The following OTOP1 variants were observed in gnomAD, a reference collection of about 807,000 sequenced individuals.
OTOP1 encodes the protein proton channel OTOP1.
Under a neutral mutation model 52.9 loss-of-function variants are expected in OTOP1, and 59 were observed. That is an observed-to-expected ratio of 1.12 (90% CI 0.91 to 1.39). OTOP1 has a LOEUF of 1.39. Ranked by LOEUF, OTOP1 falls within the 40% of genes most tolerant of loss-of-function variation. The pLI is 0.00. For missense variants in OTOP1, 761 were observed against 800.9 expected (o/e 0.95, Z 0.60); for synonymous variants, 317 against 337.7 (o/e 0.94, Z 0.67).
chr4:4,201,409 AGAGT>A (rs1449159253), intron 4 of OTOP1, among the ~76,000 whole-genome samples: 1 of 152,008 alleles, frequency 6.6e-6, no homozygotes, highest in Non-Finnish European at 1.5e-5. Context: ...CTTAGGCAAC[AGAGT>A]GAGACTCTGT....
At chr4:4,197,088 C>G (rs73209135) in intron 5 of OTOP1, 78 bp downstream of exon 5, 141,671 of 1,399,114 alleles carry the variant, frequency 0.1, 7,813 homozygotes, top group South Asian at 0.14. Flanking sequence ...TTTAACAAAT[C>G]TGCATGTGTA....
chr4:4,207,115 C>T (rs865973192), intron 2 of OTOP1, among the ~76,000 whole-genome samples: 1 of 152,198 alleles, frequency 6.6e-6, no homozygotes, highest in South Asian at 2.1e-4. Flanking sequence ...ACCTCTTTCA[C>T]ATTCTTTTAC....
At chr4:4,216,443 C>T (rs16835367) in intron 1 of OTOP1, among the ~76,000 whole-genome samples, 280 of 152,178 alleles carry the variant, frequency 1.8e-3, no homozygotes, top group African/African-American at 6.3e-3. Context: ...GAAACTGGAT[C>T]GTGTATGACG....
chr4:4,198,788 G>T (rs1215353912), intron 4 of OTOP1, among the ~76,000 whole-genome samples: 1 of 152,156 alleles, frequency 6.6e-6, no homozygotes, highest in East Asian at 1.9e-4. Flanking sequence ...GTAAGTAAAT[G>T]ATGAAACAGG....
chr4:4,215,516 G>A (rs997375507), intron 1 of OTOP1, among the ~76,000 whole-genome samples: 1 of 151,992 alleles, frequency 6.6e-6, no homozygotes, highest in African/African-American at 2.4e-5. Flanking sequence ...TACAAAATTA[G>A]CGGGTGTGGT....
rs1222818656 is a variant in OTOP1, at chr4:4,220,097, A to T, written c.403+6365T>A. The stretch of plus-strand genomic sequence containing the variant: ...TATGTATACATATATATATATATAT[A>T]TATATATATTTTTTTTTTTTTTGAG... On this transcript the variant is annotated intron_variant, in intron 1 of 5. Coordinates refer to ENST00000296358, the MANE Select transcript of OTOP1 (RefSeq NM_177998.3). 1.3e-3 allele frequency among the ~76,000 whole-genome samples: 129 copies of T among 98,170 alleles called. 2 individuals carry two copies. The highest frequency in any genetic ancestry group is 5.1e-3 in the African/African-American group (90 of 17,776). The allele number at this position is 98,170 out of a possible 152,430, so 64.4% of individuals were successfully genotyped here.
chr4:4,219,824 CATAT>C (rs1717238838), intron 1 of OTOP1, among the ~76,000 whole-genome samples: 1 of 123,530 alleles, frequency 8.1e-6, no homozygotes, highest in African/African-American at 2.6e-5. Flanking sequence ...TATATGTATA[CATAT>C]GTGTATACAT....
chr4:4,210,191 T>A (rs1716993881), intron 2 of OTOP1, among the ~76,000 whole-genome samples: 2 of 151,970 alleles, frequency 1.3e-5, no homozygotes, highest in Admixed American at 1.3e-4. Flanking sequence ...AAAGATGAAC[T>A]GCAAGAAAAA....
chr4:4,219,875 ATG>A, intron 1 of OTOP1, among the ~76,000 whole-genome samples: 1 of 146,704 alleles, frequency 6.8e-6, no homozygotes, highest in South Asian at 2.1e-4. Flanking sequence ...GTATACATAT[ATG>A]TATATATACA....
At chr4:4,204,782 T>A (rs1217719984) in intron 3 of OTOP1, among the ~76,000 whole-genome samples, 2 of 151,972 alleles carry the variant, frequency 1.3e-5, no homozygotes, top group Non-Finnish European at 2.9e-5. Context: ...CTTCTTTTTT[T>A]TCTTTTTGAG....
chr4:4,226,400 G>C lies in OTOP1; in HGVS notation c.403+62C>G. 4 of 1,360,898 alleles carry C rather than the reference G, an allele frequency of 2.9e-6. No homozygotes were observed. The South Asian group carries it at 6.5e-5, about 22-fold the overall frequency. The allele number at this position is 1,360,898 out of a possible 1,614,324, so 84.3% of individuals were successfully genotyped here. A position where few individuals can be genotyped will look rare whatever the true frequency, so the allele number is the denominator to read the frequency against. ...GCAGCGGTAGGAAGGGCGCAGAGCAGCCTCAGGATGCAGCCAGCGGGCGAG... is the reference window on the plus strand; with the variant it reads ...GCAGCGGTAGGAAGGGCGCAGAGCACCCTCAGGATGCAGCCAGCGGGCGAG... On this transcript the variant is annotated intron_variant, in intron 1 of 5. Transcript: ENST00000296358.
chr4:4,204,105 C>A (rs1716847059), intron 3 of OTOP1, among the ~76,000 whole-genome samples: 1 of 152,182 alleles, frequency 6.6e-6, no homozygotes, highest in Admixed American at 6.5e-5. Context: ...CCCTGCCTCT[C>A]CTCTCGGTTT....
chr4:4,209,674 A>G (rs1308489528), intron 2 of OTOP1, among the ~76,000 whole-genome samples: 3 of 152,118 alleles, frequency 2.0e-5, no homozygotes, highest in Admixed American at 2.0e-4. Context: ...CAATGAGCCT[A>G]TGAAATAGGT....
At position 4,197,362 on chromosome 4, in the gene OTOP1, TG is replaced by T. The variant is rs946866341; in HGVS notation, c.1471del (p.Gln491ArgfsTer15). ...GGCTGCTGGTGGCATGTCCTTGCCCTGGGGAGCCACATCTCTGGCCACACCT... is the reference window on the plus strand; with the variant it reads ...GGCTGCTGGTGGCATGTCCTTGCCCTGGGAGCCACATCTCTGGCCACACCT... ...SGGVARDVAPQGKDMPPAANG... is the reference protein window; with the variant it reads ...SGGVARDVAPXGKDMPPAANG... On this transcript the variant is annotated frameshift_variant, in exon 5 of 6. Transcript: ENST00000296358. LOFTEE classifies it high-confidence loss of function. 5.0e-6 allele frequency: 8 copies of T among 1,613,864 alleles called. No individual in the cohort carries two copies. Among genetic ancestry groups the T allele is most frequent in the Non-Finnish European group, 6.8e-6 (8 of 1,180,026 alleles).
intron 3 of OTOP1, among the ~76,000 whole-genome samples, chr4:4,203,377 G>A (rs960922064): frequency 5.3e-5 from 8 of 152,142 alleles, no homozygotes; most frequent in African/African-American, 1.2e-4. Flanking sequence ...GTTGAGCTGC[G>A]GGAGATCCAG....
At chr4:4,210,812 C>A (rs1420997918) in intron 2 of OTOP1, among the ~76,000 whole-genome samples, 9 of 152,062 alleles carry the variant, frequency 5.9e-5, no homozygotes, top group Admixed American at 3.3e-4. Context: ...GCCTGGGCGA[C>A]AAGCAAAATT....
rs1716811607 is a variant in OTOP1 at position 4,202,522 on chromosome 4, A to G, written c.656T>C (p.Leu219Pro). The G allele has an allele frequency of 6.2e-7, 1 of 1,614,112 alleles. No individual in the cohort carries two copies. The highest frequency in any genetic ancestry group is 8.5e-7 in the Non-Finnish European group (1 of 1,179,970). ...ATTGAGTTGGTGCTTTGACTCATTG[A>G]GGACGCCATTGGCCCACAGAAGCAG... ...TNLLLWANGV[L>P]NESKHQLNEH... The change falls in exon 4 of 6, where the codon CTC (leucine) becomes CCC (proline). Residue 219 changes from leucine (L) to proline (P), a missense_variant. Leu to Pro is a moderately conservative substitution (Grantham distance 98). Around this residue, in one of 3 missense-constraint regions of OTOP1, gnomAD observed 632 missense variants for 619.5 expected, o/e 1.02. Transcript: ENST00000296358.
chr4:4,209,731 A>G (rs1231230830), intron 2 of OTOP1, among the ~76,000 whole-genome samples: 1 of 152,104 alleles, frequency 6.6e-6, no homozygotes, highest in African/African-American at 2.4e-5. Context: ...CGGCCCAGAG[A>G]AGTTAAGTAA....
intron 1 of OTOP1, among the ~76,000 whole-genome samples, chr4:4,224,063 G>T (rs938881974): frequency 3.1e-4 from 46 of 150,596 alleles, no homozygotes; most frequent in African/African-American, 1.1e-3. Context: ...AATAAGGAAA[G>T]GGAGGCCAGG....
Sources: gnomAD v4.1 joint callset for allele counts (sites outside exome capture counted in the v4.1 genomes callset) on GRCh38, gnomAD v4.1.1 for gene constraint, gnomAD v4.1.1 regional missense constraint, MANE v1.5 for transcripts, NCBI Gene and HGNC (gene_info 2026-07-23, HGNC 2026-07-21) for gene names.